TEX22: variants seen among roughly 807,000 people sequenced by gnomAD.
TEX22 encodes the protein testis expressed 22.
A neutral mutation model predicts 11.3 loss-of-function variants in TEX22; 16 were observed. The ratio of observed to expected loss-of-function variants is 1.42; its 90% confidence interval spans 0.96 to 2.15. The LOEUF is 2.15. Among genes scored for constraint, TEX22 ranks in the 30% most tolerant of loss-of-function variants. The pLI, the probability that TEX22 is intolerant of heterozygous loss-of-function variation, is 0.00. For missense variants in TEX22, 220 were observed against 208.6 expected, an observed-to-expected ratio of 1.05 and a Z score of -0.34; for synonymous variants, 97 against 92.3, an observed-to-expected ratio of 1.05 and a Z score of -0.29.
At chr14:105,399,532 C>T in intron 2 of TEX22, 42 bp downstream of exon 2, 2 of 1,488,696 alleles carry the variant, frequency 1.3e-6, no homozygotes, top group Non-Finnish European at 1.8e-6. Flanking sequence ...TCTCCTGTCC[C>T]CAGCCCGCCT....
chr14:105,410,323 C>T (rs1311372924), intron 2 of TEX22, among the ~76,000 whole-genome samples: 9 of 152,140 alleles, frequency 5.9e-5, no homozygotes, highest in African/African-American at 9.7e-5. Context: ...GTGATCTACT[C>T]GCCTCGGCCT....
intron 1 of TEX22, among the ~76,000 whole-genome samples, chr14:105,399,058 G>C (rs1219166953): frequency 6.6e-6 from 1 of 152,250 alleles, no homozygotes; most frequent in Admixed American, 6.5e-5. Context: ...AGGCTTTCCA[G>C]GCTCCCGGGG....
intron 2 of TEX22, among the ~76,000 whole-genome samples, chr14:105,408,212 G>A (rs1305697790): frequency 1.3e-5 from 2 of 151,810 alleles, no homozygotes; most frequent in East Asian, 1.9e-4. Context: ...CACTTTTGCC[G>A]GTGCGCTGCC....
chr14:105,411,466 G>T lies in TEX22; in HGVS notation c.249G>T (p.Pro83=). 3 of 1,232,348 alleles carry T rather than the reference G, an allele frequency of 2.4e-6. No individual in the cohort carries two copies. Among genetic ancestry groups the T allele is most frequent in the Non-Finnish European group, 2.0e-6 (2 of 989,598 alleles). 76.3% of individuals were successfully genotyped at this position (1,232,348 alleles called of 1,614,324 possible). A position where few individuals can be genotyped will look rare whatever the true frequency, so the allele number is the denominator to read the frequency against. Residue 83 remains proline, a synonymous_variant, in exon 3 of 4, where the codon CCG becomes CCT. Coordinates refer to ENST00000451127, the MANE Select transcript of TEX22 (RefSeq NM_001195082.2). Reference sequence around the variant, plus strand: ...CCACGCTGGGCGGCCGGGAGAGGCCGGGCGCCGCCGGGACCCAGCTGCACT... The same window carrying T: ...CCACGCTGGGCGGCCGGGAGAGGCCTGGCGCCGCCGGGACCCAGCTGCACT... ...RLATLGGRER[P]GAAGTQLHCR...
intron 2 of TEX22, among the ~76,000 whole-genome samples, chr14:105,401,738 A>G (rs2141355561): frequency 6.6e-6 from 1 of 152,284 alleles, no homozygotes; most frequent in South Asian, 2.1e-4. Context: ...TATAATTTAA[A>G]AAAAACCGAA....
chr14:105,401,360 A>T (rs587604557), intron 2 of TEX22, among the ~76,000 whole-genome samples: 2 of 152,196 alleles, frequency 1.3e-5, no homozygotes, highest in Non-Finnish European at 2.9e-5. Flanking sequence ...TAATACTAAT[A>T]AATTCCAGTA....
At chr14:105,407,903 TATGGGGGTCTGTCTGC>T (rs782710154) in intron 2 of TEX22, among the ~76,000 whole-genome samples, 4 of 141,798 alleles carry the variant, frequency 2.8e-5, no homozygotes, top group Non-Finnish European at 6.1e-5. Context: ...CCATCTGTGT[TATGGGGGTCTGTCTGC>T]ATGGGGGTCT....
intron 2 of TEX22, among the ~76,000 whole-genome samples, chr14:105,406,782 T>TTTCA (rs2081660791): frequency 6.6e-6 from 1 of 152,064 alleles, no homozygotes; most frequent in African/African-American, 2.4e-5. Flanking sequence ...AGTAAGTCTG[T>TTTCA]TTTATTGGTT....
chr14:105,399,091 G>A (rs1379322069), intron 1 of TEX22, among the ~76,000 whole-genome samples: 1 of 152,260 alleles, frequency 6.6e-6, no homozygotes, highest in Admixed American at 6.5e-5. Flanking sequence ...GGGCAGAGAG[G>A]ACAGTTCGGG....
chr14:105,410,780 T>G (rs1435337264), intron 2 of TEX22, among the ~76,000 whole-genome samples: 1 of 152,078 alleles, frequency 6.6e-6, no homozygotes, highest in African/African-American at 2.4e-5. Context: ...AGTTCCTTCT[T>G]GGGGGATAGA....
chr14:105,407,220 A>C (rs2081663158), intron 2 of TEX22, among the ~76,000 whole-genome samples: 1 of 151,842 alleles, frequency 6.6e-6, no homozygotes, highest in Non-Finnish European at 1.5e-5. Flanking sequence ...GGTGCACACC[A>C]CCATGCCTGG....
rs782802589 is a variant in TEX22, at chr14:105,411,983, G to C, written c.*150G>C. 2 of 756,912 alleles carry C rather than the reference G, an allele frequency of 2.6e-6. No homozygotes were observed. The highest frequency in any genetic ancestry group is 3.7e-5 in the Admixed American group (1 of 27,132). The allele number at this position is 756,912 out of a possible 1,614,324, so 46.9% of individuals were successfully genotyped here. A position where few individuals can be genotyped will look rare whatever the true frequency, so the allele number is the denominator to read the frequency against. ...GCCAGGCAGGACCTGGCTCCGGACA[G>C]CCTGCAGCTGCTGAGGCCTTGGAGA... On this transcript the variant is annotated 3_prime_UTR_variant, in exon 4 of 4. Transcript: ENST00000451127.
rs1032782232 is a variant in TEX22 at position 105,412,441 on chromosome 14, C to A, written c.*608C>A. The stretch of plus-strand genomic sequence containing the variant: ...GCAGAGATGCCTCCTGGCCTCTGGA[C>A]AGCGATGCTGGTGGTGGACGAGGGC... On this transcript the variant is annotated 3_prime_UTR_variant, in exon 4 of 4. Coordinates refer to ENST00000451127, the MANE Select transcript of TEX22 (RefSeq NM_001195082.2). The surrounding 1 kb of genome is among the most constrained non-coding windows in gnomAD (Gnocchi z 5.8). 8.5e-5 allele frequency: 13 copies of A among 152,524 alleles called. No homozygotes were observed. In the Middle Eastern group the frequency reaches 0.01, roughly 118 times the overall value. The allele number at this position is 152,524 out of a possible 1,614,324, so 9.4% of individuals were successfully genotyped here. A position where few individuals can be genotyped will look rare whatever the true frequency, so the allele number is the denominator to read the frequency against.
intron 1 of TEX22, 34 bp from the exon 2 acceptor site, chr14:105,399,268 G>T: frequency 7.9e-7 from 1 of 1,272,372 alleles, no homozygotes. Flanking sequence ...GGCCTTGTGG[G>T]CCCCGCCCCA....
At chr14:105,404,042 T>G (rs782790600) in intron 2 of TEX22, among the ~76,000 whole-genome samples, 4 of 152,242 alleles carry the variant, frequency 2.6e-5, no homozygotes, top group Non-Finnish European at 4.4e-5. Flanking sequence ...TATTTTTATC[T>G]TAGTTTCCGT....
rs183885307 is a variant in TEX22, at chr14:105,407,565, C to T, written c.151-3803C>T. ...TTATTTTTTGTAGAGATGAGGTCTC[C>T]CTATGTTGCCCAGGCTGGTCTCGAA... On this transcript the variant is annotated intron_variant, in intron 2 of 3. Coordinates refer to ENST00000451127, the MANE Select transcript of TEX22 (RefSeq NM_001195082.2). 4.0e-5 allele frequency among the ~76,000 whole-genome samples: 6 copies of T among 151,006 alleles called. No homozygotes were observed. In the East Asian group the frequency reaches 1.2e-3, roughly 30 times the overall value.
Position 105,399,507 on chromosome 14 carries a change from C to G in TEX22, c.150+17C>G. ...CAGGACTGGGTAAGCGGAAGGAAACCCTGGCCGAGGCTACTCTCCTGTCCC... is the reference window on the plus strand; with the variant it reads ...CAGGACTGGGTAAGCGGAAGGAAACGCTGGCCGAGGCTACTCTCCTGTCCC... On this transcript the variant is annotated intron_variant, in intron 2 of 3. Coordinates refer to ENST00000451127, the MANE Select transcript of TEX22 (RefSeq NM_001195082.2). 1 of 1,520,098 alleles carries G rather than the reference C, an allele frequency of 6.6e-7. No homozygotes were observed. The highest frequency in any genetic ancestry group is 8.8e-7 in the Non-Finnish European group (1 of 1,136,954). The allele number at this position is 1,520,098 out of a possible 1,614,324, so 94.2% of individuals were successfully genotyped here.
At chr14:105,402,360 T>C (rs1198637311) in intron 2 of TEX22, among the ~76,000 whole-genome samples, 1 of 152,162 alleles carries the variant, frequency 6.6e-6, no homozygotes, top group Non-Finnish European at 1.5e-5. Context: ...GGATATGTGA[T>C]CACCATTCAC....
chr14:105,402,743 G>T (rs782581416), intron 2 of TEX22, among the ~76,000 whole-genome samples: 1 of 143,032 alleles, frequency 7.0e-6, no homozygotes, highest in Non-Finnish European at 1.5e-5. Flanking sequence ...GCGACAGAGC[G>T]AGACTCCGTC....
Sources: allele counts gnomAD v4.1 joint callset (sites outside exome capture counted in the v4.1 genomes callset), GRCh38; gene constraint gnomAD v4.1.1; non-coding constraint Gnocchi (gnomAD v3.1); transcripts MANE v1.5; gene names NCBI Gene and HGNC (gene_info 2026-07-23, HGNC 2026-07-21).